Variants in MYBPC1 observed in about 807,000 individuals in gnomAD.
MYBPC1 encodes the protein myosin-binding protein C, slow-type.
Under a neutral mutation model 147.1 loss-of-function variants are expected in MYBPC1, and 52 were observed. The ratio of observed to expected loss-of-function variants is 0.35; its 90% CI spans 0.28 to 0.45. The LOEUF (loss-of-function observed/expected upper bound fraction) is 0.45, where lower values mean the gene tolerates loss of function less well. Among genes scored for constraint, MYBPC1 ranks in the 20% least tolerant of loss-of-function variants. The pLI is 1.00. For missense variants in MYBPC1, 1,228 were observed against 1,440.3 expected (o/e 0.85, Z 2.39); for synonymous variants, 477 against 475.9 (o/e 1.00, Z -0.03).
At chr12:101,679,360 C>A (rs1253063775) in intron 28 of MYBPC1, among the ~76,000 whole-genome samples, 1 of 152,062 alleles carries the variant, frequency 6.6e-6, no homozygotes, top group East Asian at 1.9e-4. Flanking sequence ...ACATTCTACC[C>A]CTTGCCAAAG....
intron 12 of MYBPC1, among the ~76,000 whole-genome samples, chr12:101,645,617 A>G (rs942330393): frequency 1.3e-5 from 2 of 152,230 alleles, no homozygotes; most frequent in Non-Finnish European, 2.9e-5. Flanking sequence ...ATCTGGTGTA[A>G]AAATCTCTTG....
At chr12:101,642,334 T>C in intron 10 of MYBPC1, 85 bp from the exon 11 acceptor site, 1 of 1,446,026 alleles carries the variant, frequency 6.9e-7, no homozygotes, top group Non-Finnish European at 9.6e-7. Flanking sequence ...TACACTGAAC[T>C]GAAAAAGCAG....
intron 1 of MYBPC1, among the ~76,000 whole-genome samples, chr12:101,596,785 T>C (rs570862131): frequency 3.0e-4 from 46 of 152,306 alleles, no homozygotes; most frequent in African/African-American, 1.1e-3. Context: ...CAATATATAT[T>C]TTTTTCTTTC....
At chr12:101,663,011 T>C (rs1375650572) in intron 21 of MYBPC1, among the ~76,000 whole-genome samples, 1 of 152,088 alleles carries the variant, frequency 6.6e-6, no homozygotes, top group Non-Finnish European at 1.5e-5. Context: ...TCAAAAAAGT[T>C]AGTTCAGTGA....
At chr12:101,669,946 A>AAAAAAAAAAAAAAC (rs1898242649) in intron 23 of MYBPC1, 1 of 351,848 alleles carries the variant, frequency 2.8e-6, no homozygotes, top group African/African-American at 2.2e-5. Flanking sequence ...AAAAGAAAAA[A>AAAAAAAAAAAAAAC]AAAAAGAAAC....
At chr12:101,648,959 T>C (rs900889498) in intron 14 of MYBPC1, among the ~76,000 whole-genome samples, 2 of 152,220 alleles carry the variant, frequency 1.3e-5, no homozygotes, top group African/African-American at 2.4e-5. Flanking sequence ...ATATTCTTAC[T>C]AATGTGCTTC....
In MYBPC1 at chr12:101,670,428, C is replaced by T; in HGVS notation, c.2613+19C>T. Reference sequence around the variant, plus strand: ...TTTCCAGGTAAGAGTTCAAGGGTCGCTCTTTTTCTCTTTAGAGGGCTGGAT... The same window carrying T: ...TTTCCAGGTAAGAGTTCAAGGGTCGTTCTTTTTCTCTTTAGAGGGCTGGAT... On this transcript the variant is annotated intron_variant, in intron 24 of 31. Coordinates refer to ENST00000361466, the MANE Select transcript of MYBPC1 (RefSeq NM_002465.4). 1 of 1,589,616 alleles carries T rather than the reference C, an allele frequency of 6.3e-7. No individual in the cohort carries two copies. Among genetic ancestry groups the T allele is most frequent in the Non-Finnish European group, 8.6e-7 (1 of 1,157,680 alleles).
At chr12:101,652,852 T>A in intron 17 of MYBPC1, 68 bp downstream of exon 17, 1 of 1,344,292 alleles carries the variant, frequency 7.4e-7, no homozygotes, top group Non-Finnish European at 1.1e-6. Context: ...ACCATGGAAT[T>A]ATAATATATT....
chr12:101,680,388 C>G lies in MYBPC1; in HGVS notation c.3292C>G (p.Pro1098Ala). Reference protein sequence around the residue: ...MKNKVAIVDDPRYRMFSNQGV... With the variant: ...MKNKVAIVDDARYRMFSNQGV... ...AAACAAAGTTGCTATTGTGGATGAT[C>G]CAAGATACAGGATGTTCAGCAACCA... The change falls in exon 29 of 32, where the codon CCA becomes GCA. Residue 1098 changes from proline (P) to alanine (A), a missense_variant. Coordinates refer to ENST00000361466, the MANE Select transcript of MYBPC1 (RefSeq NM_002465.4). 1 of 1,614,026 alleles carries G rather than the reference C, an allele frequency of 6.2e-7. No individual in the cohort carries two copies. Among genetic ancestry groups the G allele is most frequent in the Non-Finnish European group, 8.5e-7 (1 of 1,179,976 alleles).
At chr12:101,660,896 T>C (rs899231059) in intron 19 of MYBPC1, among the ~76,000 whole-genome samples, 2 of 152,134 alleles carry the variant, frequency 1.3e-5, no homozygotes, top group African/African-American at 4.8e-5. Context: ...GAGAACAGTA[T>C]GTGGGAAACT....
chr12:101,610,885 G>A (rs1286840081), intron 1 of MYBPC1, among the ~76,000 whole-genome samples: 1 of 152,164 alleles, frequency 6.6e-6, no homozygotes, highest in African/African-American at 2.4e-5. Context: ...AGTCAAGCAA[G>A]CCTGGATCAC....
intron 1 of MYBPC1, among the ~76,000 whole-genome samples, chr12:101,605,495 G>GT (rs1337713522): frequency 2.6e-5 from 4 of 152,152 alleles, no homozygotes; most frequent in Non-Finnish European, 5.9e-5. Context: ...CATAACTAGT[G>GT]TATTATACAC....
chr12:101,652,894 T>C (rs773773999), intron 17 of MYBPC1, 110 bp downstream of exon 17: 25 of 1,103,838 alleles, frequency 2.3e-5, no homozygotes, highest in Non-Finnish European at 3.3e-5. Flanking sequence ...GAAAAATACA[T>C]CAATTGGTAT....
At chr12:101,627,561 T>C (rs991731639) in intron 4 of MYBPC1, among the ~76,000 whole-genome samples, 2 of 152,154 alleles carry the variant, frequency 1.3e-5, no homozygotes, top group African/African-American at 4.8e-5. Context: ...TTAATTTTTC[T>C]ATCATTTTAA....
downstream of MYBPC1, among the ~76,000 whole-genome samples, chr12:101,687,480 G>A (rs370350907): frequency 6.6e-6 from 1 of 152,218 alleles, no homozygotes; most frequent in South Asian, 2.1e-4. Flanking sequence ...TCATTGTTGG[G>A]CGTTCCAAGT....
chr12:101,626,697 T>C (rs1240824230), intron 3 of MYBPC1, among the ~76,000 whole-genome samples, 175 bp from the exon 4 acceptor site: 1 of 152,244 alleles, frequency 6.6e-6, no homozygotes, highest in Non-Finnish European at 1.5e-5. Flanking sequence ...ATTTTTTCTT[T>C]CTTTGCCTGA....
the MYBPC1 span, among the ~76,000 whole-genome samples, chr12:101,695,481 G>T: frequency 6.6e-6 from 1 of 152,116 alleles, no homozygotes; most frequent in South Asian, 2.1e-4. Context: ...GTTGACTGTG[G>T]GTATCTAAAA....
chr12:101,598,146 A>G (rs1209218220), intron 1 of MYBPC1, among the ~76,000 whole-genome samples: 1 of 151,348 alleles, frequency 6.6e-6, no homozygotes, highest in Non-Finnish European at 1.5e-5. Flanking sequence ...CAGTATCTCA[A>G]GTAGCTGGGA....
rs141133866 is a variant in MYBPC1, at chr12:101,611,461, C to T, written c.26-3035C>T. Among the ~76,000 whole-genome samples the T allele has an allele frequency of 3.8e-3, 580 of 152,318 alleles. 6 individuals are homozygous for T. Among genetic ancestry groups the T allele is most frequent in the African/African-American group, 0.013 (560 of 41,578 alleles). On this transcript the variant is annotated intron_variant, in intron 1 of 31. Coordinates refer to ENST00000361466, the MANE Select transcript of MYBPC1 (RefSeq NM_002465.4). ...CCATTGGCCTTAGTTGGATTTTAAG[C>T]AACTACAGTTACCCTTAAAAAATGG...
Sources: allele counts gnomAD v4.1 joint callset (sites outside exome capture counted in the v4.1 genomes callset), GRCh38; gene constraint gnomAD v4.1.1; transcripts MANE v1.5; gene names NCBI Gene and HGNC (gene_info 2026-07-23, HGNC 2026-07-21).